Variants in NOM1 observed in about 807,000 individuals in gnomAD.
NOM1 encodes nucleolar protein with MIF4G domain 1.
Under a neutral mutation model 73.3 loss-of-function variants are expected in NOM1, and 58 were observed. That is an observed-to-expected ratio of 0.79 (90% CI 0.64 to 0.99). NOM1 has a LOEUF of 0.99. Ranked by LOEUF, NOM1 falls within the 50% of genes least tolerant of loss-of-function variation. NOM1 has a pLI of 0.00. For missense variants in NOM1, 1,226 were observed against 1,131.9 expected, an observed-to-expected ratio of 1.08 and a Z score of -1.19; for synonymous variants, 487 against 446.8, an observed-to-expected ratio of 1.09 and a Z score of -1.14.
intron 4 of NOM1, among the ~76,000 whole-genome samples, chr7:156,961,619 CA>C (rs1378925590): frequency 6.6e-6 from 1 of 152,120 alleles, no homozygotes; most frequent in Non-Finnish European, 1.5e-5. Flanking sequence ...ATATACCTTA[CA>C]TGAGTGAGTT....
At chr7:156,951,537 G>A (rs1804592837) in intron 1 of NOM1, among the ~76,000 whole-genome samples, 1 of 152,108 alleles carries the variant, frequency 6.6e-6, no homozygotes, top group Non-Finnish European at 1.5e-5. Context: ...TCCCCACATC[G>A]CACTAGTTCT....
chr7:156,970,125 T>C lies in NOM1; in HGVS notation c.*422T>C, dbSNP rs55786535. ...CAAAACCCTGTCTCTACTAAAAATA[T>C]AAAAATTAGCCAGGCATGATGGCAC... On this transcript the variant is annotated 3_prime_UTR_variant, in exon 11 of 11. Transcript: ENST00000275820. The C allele has an allele frequency of 0.083, 12,610 of 152,310 alleles. 618 individuals carry two copies. Among genetic ancestry groups the C allele is most frequent in the African/African-American group, 0.13 (5,579 of 41,384 alleles). The allele number at this position is 152,310 out of a possible 1,614,324, so 9.4% of individuals were successfully genotyped here.
intron 6 of NOM1, 138 bp from the exon 7 acceptor site, chr7:156,963,767 C>G (rs1376122859): frequency 7.5e-6 from 7 of 935,534 alleles, no homozygotes; most frequent in Non-Finnish European, 1.1e-5. Flanking sequence ...GGGGCGTTGC[C>G]CGAGAGTGGA....
chr7:156,949,919 C>A lies in NOM1; in HGVS notation c.182C>A (p.Ala61Asp). ...EFVHATSEGEAPGGCEGRGAP... is the reference protein window; with the variant it reads ...EFVHATSEGEDPGGCEGRGAP... ...GTGCACGCGACTTCGGAAGGCGAGGCTCCCGGGGGTTGCGAGGGGCGCGGC... is the reference window on the plus strand; with the variant it reads ...GTGCACGCGACTTCGGAAGGCGAGGATCCCGGGGGTTGCGAGGGGCGCGGC... Residue 61 changes from alanine to aspartate, a missense_variant, in exon 1 of 11, where the codon GCT becomes GAT. Physicochemically the swap from Ala to Asp is moderately radical, Grantham distance 126. Transcript: ENST00000275820. 1.3e-6 allele frequency: 2 copies of A among 1,542,234 alleles called. No individual in the cohort carries two copies. The highest frequency in any genetic ancestry group is 1.7e-6 in the Non-Finnish European group (2 of 1,145,290).
chr7:156,962,906 T>G (rs958537690), intron 5 of NOM1, 102 bp from the exon 6 acceptor site: 2 of 1,289,482 alleles, frequency 1.6e-6, no homozygotes, highest in South Asian at 2.9e-5. Flanking sequence ...CCAGTATTCA[T>G]GCACCAGAAA....
At chr7:156,957,713 T>A (rs1426265929) in intron 3 of NOM1, among the ~76,000 whole-genome samples, 1 of 119,326 alleles carries the variant, frequency 8.4e-6, no homozygotes, top group East Asian at 2.3e-4. Flanking sequence ...AGGCGGAGCT[T>A]GCAGTGAGCC....
chr7:156,969,488 C>G (rs1421861340), intron 10 of NOM1, 41 bp from the exon 11 acceptor site: 1 of 1,555,190 alleles, frequency 6.4e-7, no homozygotes, highest in Non-Finnish European at 8.8e-7. Context: ...CTAGGAGAGG[C>G]CAGCTCAGCC....
At chr7:156,966,044 G>A in intron 7 of NOM1, 1 of 557,726 alleles carries the variant, frequency 1.8e-6, no homozygotes, top group South Asian at 2.5e-5. Flanking sequence ...CCCCCTAGAT[G>A]GTCTTGTCTC....
At chr7:156,968,138 C>T (rs938522438) in intron 9 of NOM1, among the ~76,000 whole-genome samples, 1 of 152,188 alleles carries the variant, frequency 6.6e-6, no homozygotes, top group African/African-American at 2.4e-5. Flanking sequence ...GGCACCGAGC[C>T]TTACGCCAAA....
chr7:156,955,694 C>A (rs927534246), intron 3 of NOM1, among the ~76,000 whole-genome samples: 2 of 152,196 alleles, frequency 1.3e-5, no homozygotes, highest in Non-Finnish European at 2.9e-5. Context: ...CAGGCAAAGC[C>A]GCTGAAGCGC....
chr7:156,966,496 T>A, intron 8 of NOM1, 94 bp downstream of exon 8: 1 of 1,444,920 alleles, frequency 6.9e-7, no homozygotes, highest in Non-Finnish European at 9.5e-7. Flanking sequence ...GTTCCCCAAG[T>A]CAGGAGGCCC....
rs897516455 is a variant in NOM1 at position 156,972,830 on chromosome 7, G to T, written c.*3127G>T. The T allele has an allele frequency of 2.0e-5, 3 of 152,160 alleles. No individual in the cohort carries two copies. Among genetic ancestry groups the T allele is most frequent in the African/African-American group, 7.2e-5 (3 of 41,426 alleles). 9.4% of individuals were successfully genotyped at this position (152,160 alleles called of 1,614,324 possible). A position where few individuals can be genotyped will look rare whatever the true frequency, so the allele number is the denominator to read the frequency against. On this transcript the variant is annotated 3_prime_UTR_variant, in exon 11 of 11. Coordinates refer to ENST00000275820, the MANE Select transcript of NOM1 (RefSeq NM_138400.2). ...GGGAACAAGAGTGAAACTCTCAAAA[G>T]CAGAAACAAAAACCCAACATATATG...
intron 3 of NOM1, among the ~76,000 whole-genome samples, chr7:156,954,501 T>A (rs1804671179): frequency 6.7e-6 from 1 of 150,116 alleles, no homozygotes; most frequent in Non-Finnish European, 1.5e-5. Context: ...TGCTTAACTT[T>A]GCTTTTTTGT....
At chr7:156,960,808 G>A (rs1406165435) in intron 4 of NOM1, among the ~76,000 whole-genome samples, 1 of 152,208 alleles carries the variant, frequency 6.6e-6, no homozygotes, top group Non-Finnish European at 1.5e-5. Context: ...AAGGCAGAAA[G>A]AGGCATGAGG....
chr7:156,957,259 G>A (rs914427070), intron 3 of NOM1, among the ~76,000 whole-genome samples: 2 of 152,102 alleles, frequency 1.3e-5, no homozygotes, highest in Admixed American at 1.3e-4. Flanking sequence ...GGTGTCAGCT[G>A]CTGAATTGCT....
intron 3 of NOM1, among the ~76,000 whole-genome samples, chr7:156,955,316 C>T (rs1231161479): frequency 6.6e-6 from 1 of 152,156 alleles, no homozygotes; most frequent in Admixed American, 6.5e-5. Flanking sequence ...TCCCAGTTCC[C>T]CCAAGGTAGC....
intron 9 of NOM1, among the ~76,000 whole-genome samples, chr7:156,968,239 T>C (rs373658823): frequency 2.0e-5 from 3 of 152,274 alleles, no homozygotes; most frequent in African/African-American, 7.2e-5. Flanking sequence ...GGCATTGCGC[T>C]CATCCTGGAA....
chr7:156,950,363 T>A lies in NOM1; in HGVS notation c.626T>A (p.Leu209Gln). 2 of 1,614,212 alleles carry A rather than the reference T, an allele frequency of 1.2e-6. No individual in the cohort carries two copies. The highest frequency in any genetic ancestry group is 1.7e-6 in the Non-Finnish European group (2 of 1,180,022). ...KKKDGSSSVP[L>Q]SFARDGLDYI... ...AAGGACGGCAGCAGCTCCGTGCCGC[T>A]GAGCTTTGCACGCGACGGTCTTGAC... is the stretch of plus-strand genomic sequence containing the variant. Residue 209 changes from leucine to glutamine, a missense_variant, in exon 1 of 11, where the codon CTG (leucine) becomes CAG (glutamine). Coordinates refer to ENST00000275820, the MANE Select transcript of NOM1 (RefSeq NM_138400.2).
At position 156,969,654 on chromosome 7, in the gene NOM1, C is replaced by T; in HGVS notation, c.2534C>T (p.Ala845Val). 6.2e-7 allele frequency: 1 copy of T among 1,613,386 alleles called. No homozygotes were observed. Among genetic ancestry groups the T allele is most frequent in the Non-Finnish European group, 8.5e-7 (1 of 1,179,626 alleles). ...GAAGCCAACGTGCTGAGAGAGAAAGCTGACCTTGCAACGAAGTGTCTGCAA... is the reference window on the plus strand; with the variant it reads ...GAAGCCAACGTGCTGAGAGAGAAAGTTGACCTTGCAACGAAGTGTCTGCAA... The part of the protein sequence containing the change: ...ADEANVLREK[A>V]DLATKCLQGK... Residue 845 changes from alanine (A) to valine (V), a missense_variant, in exon 11 of 11, where the codon GCT becomes GTT. Transcript: ENST00000275820.
Sources: gnomAD v4.1 joint callset for allele counts (sites outside exome capture counted in the v4.1 genomes callset) on GRCh38, gnomAD v4.1.1 for gene constraint, MANE v1.5 for transcripts, NCBI Gene and HGNC (gene_info 2026-07-23, HGNC 2026-07-21) for gene names.